SDK2: variants seen among roughly 807,000 people sequenced by gnomAD.
SDK2 encodes sidekick cell adhesion molecule 2, also known as protein sidekick-2.
Under a neutral mutation model 253.9 loss-of-function variants are expected in SDK2, and 105 were observed. That is an observed-to-expected ratio of 0.41 (90% CI 0.35 to 0.49). The LOEUF (loss-of-function observed/expected upper bound fraction) is 0.49. SDK2 is among the 20% of genes least tolerant of loss of function. The pLI is 0.06. For missense variants in SDK2, 2,608 were observed against 3,003.0 expected, an observed-to-expected ratio of 0.87 and a Z score of 3.07; for synonymous variants, 1,249 against 1,234.9, an observed-to-expected ratio of 1.01 and a Z score of -0.24.
In SDK2 at chr17:73,438,236, T is replaced by A. The variant is rs867256176; in HGVS notation, c.726-82A>T. ...AGGCAGGGCAGGGGGTGGTAAGGAG[T>A]GTGGGCTTGGGAGCCGGGCTGCCTG... On this transcript the variant is annotated intron_variant, in intron 6 of 44. Transcript: ENST00000392650. The A allele has an allele frequency of 1.5e-5, 20 of 1,358,502 alleles. No individual in the cohort carries two copies. The Middle Eastern group carries it at 5.5e-4, about 37-fold the overall frequency. The allele number at this position is 1,358,502 out of a possible 1,614,324, so 84.2% of individuals were successfully genotyped here.
chr17:73,394,352 G>C, intron 25 of SDK2, 28 bp from the exon 26 acceptor site: 1 of 1,473,546 alleles, frequency 6.8e-7, no homozygotes, highest in Non-Finnish European at 9.2e-7. Flanking sequence ...TGGAGAGAAG[G>C]CACTCAGGAC....
chr17:73,408,781 A>C (rs965554423), intron 18 of SDK2, among the ~76,000 whole-genome samples: 2 of 152,116 alleles, frequency 1.3e-5, no homozygotes, highest in African/African-American at 2.4e-5. Context: ...CCTAAAAAAA[A>C]CCCCTCAACT....
chr17:73,375,991 T>C (rs1302707117), intron 36 of SDK2, among the ~76,000 whole-genome samples: 2 of 147,982 alleles, frequency 1.4e-5, no homozygotes, highest in African/African-American at 2.5e-5. Flanking sequence ...GTCAAGAGAT[T>C]GAGACCATCC....
At chr17:73,492,598 C>A (rs2063813593) in intron 2 of SDK2, among the ~76,000 whole-genome samples, 1 of 152,008 alleles carries the variant, frequency 6.6e-6, no homozygotes, top group South Asian at 2.1e-4. Context: ...CCCCCAGGGG[C>A]TGCCAGTTAG....
At chr17:73,607,502 A>G (rs2045922545) in intron 1 of SDK2, among the ~76,000 whole-genome samples, 1 of 152,112 alleles carries the variant, frequency 6.6e-6, no homozygotes, top group African/African-American at 2.4e-5. Context: ...CATGAAAAAA[A>G]GCAAAACGCT....
intron 1 of SDK2, among the ~76,000 whole-genome samples, chr17:73,560,070 G>A (rs1054017495): frequency 6.6e-6 from 1 of 152,198 alleles, no homozygotes; most frequent in African/African-American, 2.4e-5. Context: ...ACTGAGACCA[G>A]GCAGTGAACT....
chr17:73,562,070 G>A (rs995247204), intron 1 of SDK2, among the ~76,000 whole-genome samples: 1 of 152,114 alleles, frequency 6.6e-6, no homozygotes, highest in African/African-American at 2.4e-5. Context: ...AGGTTGCAGT[G>A]AGCCGAGATC....
chr17:73,361,768 C>A lies in SDK2; in HGVS notation c.5383G>T (p.Val1795Leu). Reference sequence around the variant, plus strand: ...GCTCTGATGCGGAACCTGTAGGTCACCCCCTCCGCCAGGTCCTTCACCTTC... The same window carrying A: ...GCTCTGATGCGGAACCTGTAGGTCAACCCCTCCGCCAGGTCCTTCACCTTC... Reference protein sequence around the residue: ...WLKVKDLAEGVTYRFRIRAKT... With the variant: ...WLKVKDLAEGLTYRFRIRAKT... Residue 1795 changes from valine to leucine, a missense_variant, in exon 39 of 45, where the codon GTG becomes TTG. Val to Leu is a conservative substitution (Grantham distance 32). Around this residue, in one of 2 missense-constraint regions of SDK2, gnomAD observed 1,103 missense variants for 1,143.9 expected, o/e 0.96. Transcript: ENST00000392650. This position sits in a 1 kb window ranked among gnomAD's most constrained non-coding sequence, Gnocchi z 4.1. 6.2e-7 allele frequency: 1 copy of A among 1,613,112 alleles called. No individual in the cohort carries two copies. The highest frequency in any genetic ancestry group is 8.5e-7 in the Non-Finnish European group (1 of 1,179,394).
chr17:73,564,096 T>C (rs1434399290), intron 1 of SDK2, among the ~76,000 whole-genome samples: 1 of 152,238 alleles, frequency 6.6e-6, no homozygotes, highest in Non-Finnish European at 1.5e-5. Flanking sequence ...TTTTGAAAAC[T>C]TCTTTTGTAT....
At chr17:73,362,788 G>C (rs1265120269) in intron 38 of SDK2, among the ~76,000 whole-genome samples, 2 of 152,308 alleles carry the variant, frequency 1.3e-5, no homozygotes, top group East Asian at 3.9e-4. Flanking sequence ...GTGGGGGTTT[G>C]CACTCTGTGC....
Position 73,394,367 on chromosome 17 carries a change from C to T in SDK2, c.3593-43G>A, listed in dbSNP as rs367788655. 1.3e-5 allele frequency: 17 copies of T among 1,358,476 alleles called. No homozygotes were observed. The South Asian group carries it at 1.7e-4, about 14-fold the overall frequency. The allele number at this position is 1,358,476 out of a possible 1,614,324, so 84.2% of individuals were successfully genotyped here. A position where few individuals can be genotyped will look rare whatever the true frequency, so the allele number is the denominator to read the frequency against. On this transcript the variant is annotated intron_variant, in intron 25 of 44. Transcript: ENST00000392650. The stretch of plus-strand genomic sequence containing the variant: ...TGGAGAGAAGGCACTCAGGACCCAA[C>T]GTTGACTGTGCAAGGGAAGTGGACC...
Position 73,387,921 on chromosome 17 carries a change from T to G in SDK2, c.4309A>C (p.Ile1437Leu), listed in dbSNP as rs758115187. 3 of 1,589,466 alleles carry G rather than the reference T, an allele frequency of 1.9e-6. No homozygotes were observed. Among genetic ancestry groups the G allele is most frequent in the South Asian group, 2.3e-5 (2 of 87,030 alleles). Residue 1437 changes from isoleucine to leucine, a missense_variant, in exon 30 of 45, where the codon ATC (isoleucine) becomes CTC (leucine). By Grantham distance (5) the Ile-to-Leu change is conservative. Coordinates refer to ENST00000392650, the MANE Select transcript of SDK2 (RefSeq NM_001144952.2). ...CCGCTGGGCAGCTCGCGGGTCTGGA[T>G]GGTGTAGTAGCGCACAGGGGAGAGC... ...DGLSPVRYYT[I>L]QTRELPSGRW...
intron 18 of SDK2, among the ~76,000 whole-genome samples, chr17:73,406,497 G>A (rs756907978): frequency 4.0e-5 from 6 of 151,712 alleles, no homozygotes; most frequent in East Asian, 1.9e-4. Context: ...TGATCTGCCC[G>A]CCTCGGCCTT....
At position 73,393,571 on chromosome 17, in the gene SDK2, G is replaced by A. The variant is rs773386930; in HGVS notation, c.3887C>T (p.Thr1296Met). 1.9e-6 allele frequency: 3 copies of A among 1,560,896 alleles called. No homozygotes were observed. The highest frequency in any genetic ancestry group is 2.3e-5 in the East Asian group (1 of 43,136). ...GGATACGGACTCACCATCATCCAGC[G>A]TCCGCTCCAGGATGGGAGGGTGGCT... ...SPSHPPILER[T>M]LDDVPGPPMG... is the part of the protein sequence containing the mutation. The change falls in exon 27 of 45, where the codon ACG becomes ATG. Residue 1296 changes from threonine to methionine, a missense_variant. Thr to Met is a moderately conservative substitution (Grantham distance 81). Around this residue, in one of 2 missense-constraint regions of SDK2, gnomAD observed 1,505 missense variants for 1,859.1 expected, o/e 0.81. Coordinates refer to ENST00000392650, the MANE Select transcript of SDK2 (RefSeq NM_001144952.2).
intron 1 of SDK2, among the ~76,000 whole-genome samples, chr17:73,628,615 AC>A (rs2046232142): frequency 6.6e-6 from 1 of 152,048 alleles, no homozygotes; most frequent in African/African-American, 2.4e-5. Flanking sequence ...TAAACTGACC[AC>A]CTGGGACGGG....
intron 1 of SDK2, chr17:73,518,243 G>C (rs2064045775): frequency 6.6e-6 from 1 of 151,948 alleles, no homozygotes; most frequent in Non-Finnish European, 1.5e-5. Flanking sequence ...TGACCTTACT[G>C]GGCCCTGTAA....
chr17:73,361,638 G>A lies in SDK2; in HGVS notation c.5467+46C>T. The A allele has an allele frequency of 1.3e-6, 2 of 1,581,562 alleles. No homozygotes were observed. Among genetic ancestry groups the A allele is most frequent in the Non-Finnish European group, 1.7e-6 (2 of 1,155,066 alleles). On this transcript the variant is annotated intron_variant, in intron 39 of 44. Coordinates refer to ENST00000392650, the MANE Select transcript of SDK2 (RefSeq NM_001144952.2). This position sits in a 1 kb window ranked among gnomAD's most constrained non-coding sequence, Gnocchi z 4.1. ...CCGGGGGCCCCTTCTGACTGGGGAC[G>A]CTGAACCGCCGTGTGGAAGACATGC...
intron 44 of SDK2, among the ~76,000 whole-genome samples, chr17:73,339,238 T>G (rs1221931244): frequency 2.7e-5 from 4 of 150,528 alleles, no homozygotes; most frequent in African/African-American, 7.3e-5. Context: ...TGTTTTTGTT[T>G]TTTTTTTTTG....
At chr17:73,432,961 A>G (rs973273032) in intron 10 of SDK2, among the ~76,000 whole-genome samples, 2 of 152,024 alleles carry the variant, frequency 1.3e-5, no homozygotes, top group Admixed American at 6.6e-5. Flanking sequence ...GGCCTTAGGG[A>G]GGTGGCTTGG....
Sources: gnomAD v4.1 joint callset for allele counts (sites outside exome capture counted in the v4.1 genomes callset) on GRCh38, gnomAD v4.1.1 for gene constraint, gnomAD v4.1.1 regional missense constraint, Gnocchi (gnomAD v3.1) non-coding constraint, MANE v1.5 for transcripts, NCBI Gene and HGNC (gene_info 2026-07-23, HGNC 2026-07-21) for gene names.